Variants in PRDM5 observed in about 807,000 individuals in gnomAD.
The protein encoded by PRDM5 is PR domain zinc finger protein 5.
In PRDM5, 56 loss-of-function variants were observed where a neutral mutation model predicts 81.2. That is an observed-to-expected ratio of 0.69 (90% CI 0.56 to 0.86). PRDM5 has a LOEUF of 0.86. Ranked by LOEUF, PRDM5 falls within the 40% of genes least tolerant of loss-of-function variation. The probability of loss-of-function intolerance (pLI) is 0.00; values close to 1 mark genes in which losing one functional copy is unlikely to be tolerated. For missense variants in PRDM5, 697 were observed against 770.1 expected (o/e 0.91, Z 1.12); for synonymous variants, 267 against 256.4 (o/e 1.04, Z -0.39).
intron 14 of PRDM5, among the ~76,000 whole-genome samples, chr4:120,748,914 T>C (rs759803436): frequency 5.9e-5 from 9 of 151,968 alleles, no homozygotes; most frequent in Non-Finnish European, 1.0e-4. Flanking sequence ...TAAATAGGGG[T>C]GCTTCCCTGA....
chr4:120,810,775 C>T (rs952028199), intron 8 of PRDM5, among the ~76,000 whole-genome samples: 2 of 152,078 alleles, frequency 1.3e-5, no homozygotes, highest in South Asian at 2.1e-4. Flanking sequence ...GGTGCTTGTC[C>T]TATTATTTCT....
At chr4:120,755,800 T>C (rs1384854610) in intron 13 of PRDM5, among the ~76,000 whole-genome samples, 1 of 152,150 alleles carries the variant, frequency 6.6e-6, no homozygotes, top group African/African-American at 2.4e-5. Flanking sequence ...TCCCCAACTT[T>C]GTTTCCAGCA....
rs543285805 is a variant in PRDM5, at chr4:120,728,713, A to G, written c.1624-18300T>C. Among the ~76,000 whole-genome samples, 49 of 152,220 alleles carry G rather than the reference A, an allele frequency of 3.2e-4. No individual in the cohort carries two copies. In the South Asian group the frequency reaches 0.01, roughly 32 times the overall value. ...CGTCGCCTAGTGTTGCGTTAGAAGC[A>G]TGGTATTGGCCTTTTAATATTCATA... On this transcript the variant is annotated intron_variant, in intron 14 of 15. Coordinates refer to ENST00000264808, the MANE Select transcript of PRDM5 (RefSeq NM_018699.4).
chr4:120,730,171 G>A (rs1006705047), intron 14 of PRDM5, among the ~76,000 whole-genome samples: 1 of 152,038 alleles, frequency 6.6e-6, no homozygotes, highest in African/African-American at 2.4e-5. Flanking sequence ...CCTGGAATTT[G>A]GACAAGCTAC....
At chr4:120,698,257 C>A (rs2148991834) in intron 15 of PRDM5, among the ~76,000 whole-genome samples, 1 of 152,312 alleles carries the variant, frequency 6.6e-6, no homozygotes. Flanking sequence ...CTCTACATTG[C>A]CAAATCCTGG....
intron 2 of PRDM5, among the ~76,000 whole-genome samples, chr4:120,864,171 T>C (rs1760951407): frequency 6.6e-6 from 1 of 152,198 alleles, no homozygotes; most frequent in Non-Finnish European, 1.5e-5. Flanking sequence ...ACAACCCTAC[T>C]GTGCATGATG....
At chr4:120,871,062 CCCTCTCCA>C (rs1343723844) in intron 2 of PRDM5, among the ~76,000 whole-genome samples, 2 of 152,150 alleles carry the variant, frequency 1.3e-5, no homozygotes, top group Non-Finnish European at 2.9e-5. Context: ...TTGAACACCT[CCCTCTCCA>C]CATGGGAAGA....
chr4:120,710,529 T>C, intron 14 of PRDM5, 116 bp from the exon 15 acceptor site: 1 of 834,370 alleles, frequency 1.2e-6, no homozygotes, highest in Admixed American at 2.0e-5. Flanking sequence ...TTTACAGGTA[T>C]GCTGATATGG....
chr4:120,782,946 C>T (rs1749253612), intron 11 of PRDM5, among the ~76,000 whole-genome samples: 1 of 152,040 alleles, frequency 6.6e-6, no homozygotes, highest in African/African-American at 2.4e-5. Context: ...TTCTTTCATA[C>T]TTTAATTGCA....
intron 13 of PRDM5, among the ~76,000 whole-genome samples, chr4:120,774,876 C>T (rs894161651): frequency 1.7e-5 from 2 of 121,090 alleles, no homozygotes; most frequent in Non-Finnish European, 3.3e-5. Flanking sequence ...CTGTCTCTCT[C>T]TCTCTCTCTT....
intron 1 of PRDM5, among the ~76,000 whole-genome samples, chr4:120,917,294 T>C (rs1420574129): frequency 6.6e-6 from 1 of 152,178 alleles, no homozygotes; most frequent in East Asian, 1.9e-4. Context: ...GCTAATTTCC[T>C]ACCACCCTTC....
chr4:120,773,263 G>A (rs550310084), intron 13 of PRDM5, among the ~76,000 whole-genome samples: 8 of 152,136 alleles, frequency 5.3e-5, no homozygotes, highest in Admixed American at 5.2e-4. Context: ...TATAAAAGAA[G>A]TGAGCCTGTC....
intron 7 of PRDM5, among the ~76,000 whole-genome samples, chr4:120,812,305 A>G (rs751085252): frequency 6.6e-6 from 1 of 152,144 alleles, no homozygotes; most frequent in Non-Finnish European, 1.5e-5. Flanking sequence ...ATATATCTAC[A>G]GTGGAATTGC....
intron 14 of PRDM5, among the ~76,000 whole-genome samples, chr4:120,753,323 A>G (rs1744268875): frequency 6.6e-6 from 1 of 152,210 alleles, no homozygotes; most frequent in Non-Finnish European, 1.5e-5. Flanking sequence ...ATAAACAGGA[A>G]TATCTGTCTA....
At chr4:120,893,378 G>A (rs940974706) in intron 2 of PRDM5, among the ~76,000 whole-genome samples, 1 of 152,196 alleles carries the variant, frequency 6.6e-6, no homozygotes, top group African/African-American at 2.4e-5. Flanking sequence ...CTGGCCAGCA[G>A]GGTCAGTATT....
chr4:120,911,712 T>C (rs1380515131), intron 1 of PRDM5, among the ~76,000 whole-genome samples: 1 of 152,184 alleles, frequency 6.6e-6, no homozygotes, highest in Non-Finnish European at 1.5e-5. Context: ...GATTAGTTGA[T>C]TCTAAGATTT....
intron 3 of PRDM5, among the ~76,000 whole-genome samples, chr4:120,824,213 A>G (rs1185299003): frequency 6.6e-6 from 1 of 152,226 alleles, no homozygotes; most frequent in Non-Finnish European, 1.5e-5. Context: ...ACTCAGTATC[A>G]GCTTCCTGTC....
Position 120,801,436 on chromosome 4 carries a change from C to T in PRDM5, c.946-1691G>A, listed in dbSNP as rs562491945. ...CACGGCTTAATTCAATGCCCAAGCA[C>T]GTGGCAGTTTGAAGGTTGCCAACCA... On this transcript the variant is annotated intron_variant, in intron 8 of 15. Transcript: ENST00000264808. 7.9e-5 allele frequency among the ~76,000 whole-genome samples: 12 copies of T among 152,228 alleles called. 1 individual carries two copies. In the East Asian group the frequency reaches 1.2e-3, roughly 15 times the overall value.
At chr4:120,895,669 G>A (rs781418545) in intron 2 of PRDM5, 1 of 152,160 alleles carries the variant, frequency 6.6e-6, no homozygotes, top group Admixed American at 6.6e-5. Context: ...AAGCCAATCT[G>A]CGCTTTAATA....
Sources: allele counts gnomAD v4.1 joint callset (sites outside exome capture counted in the v4.1 genomes callset), GRCh38; gene constraint gnomAD v4.1.1; transcripts MANE v1.5; gene names NCBI Gene and HGNC (gene_info 2026-07-23, HGNC 2026-07-21).